The following CEP57 variants were observed in gnomAD, a reference collection of about 807,000 sequenced individuals.
The protein encoded by CEP57 is centrosomal protein of 57 kDa.
A neutral mutation model predicts 68.0 loss-of-function variants in CEP57; 40 were observed. The observed-to-expected ratio is 0.59, with a 90% CI of 0.46 to 0.77. CEP57 has a LOEUF of 0.77. Among genes scored for constraint, CEP57 ranks in the 30% least tolerant of loss-of-function variants. CEP57 has a pLI of 0.00. For missense variants in CEP57, 606 were observed against 580.7 expected (o/e 1.04, Z -0.45); for synonymous variants, 219 against 198.7 (o/e 1.10, Z -0.86).
chr11:95,821,987 A>G lies in CEP57; in HGVS notation c.807+9A>G. The G allele has an allele frequency of 6.3e-7, 1 of 1,592,918 alleles. No homozygotes were observed. The highest frequency in any genetic ancestry group is 8.6e-7 in the Non-Finnish European group (1 of 1,161,920). ...CAAAACCACCAGAAAAGGTGTGAAG[A>G]CAGAACCAAATCAGGCAAAATGCTG... On this transcript the variant is annotated intron_variant, in intron 7 of 10. Transcript: ENST00000325542.
chr11:95,799,517 G>T, intron 2 of CEP57, 129 bp downstream of exon 2: 1 of 1,100,942 alleles, frequency 9.1e-7, no homozygotes. Flanking sequence ...TCAGCCCCCA[G>T]AAAATATTAT....
chr11:95,801,835 C>T (rs903106809), intron 2 of CEP57, among the ~76,000 whole-genome samples: 10 of 151,518 alleles, frequency 6.6e-5, no homozygotes, highest in Admixed American at 4.0e-4. Flanking sequence ...AGGGAGGAGA[C>T]GGAGAGGAGA....
intron 6 of CEP57, among the ~76,000 whole-genome samples, chr11:95,821,217 G>T (rs1480251177): frequency 1.3e-5 from 2 of 151,912 alleles, no homozygotes; most frequent in Non-Finnish European, 2.9e-5. Context: ...GTTTTGTTTT[G>T]TTTTTTTAAA....
chr11:95,821,827 CT>C, intron 6 of CEP57, 43 bp from the exon 7 acceptor site: 1 of 1,350,706 alleles, frequency 7.4e-7, no homozygotes, highest in Middle Eastern at 2.5e-4. Context: ...TGAGTCATAG[CT>C]TTTATTTCTA....
chr11:95,819,739 C>T (rs61903294), intron 6 of CEP57, among the ~76,000 whole-genome samples: 9,906 of 152,190 alleles, frequency 0.065, 409 homozygotes, highest in Middle Eastern at 0.13. Flanking sequence ...GACCAAAGGC[C>T]TACAATGTCT....
intron 2 of CEP57, among the ~76,000 whole-genome samples, chr11:95,801,284 C>T (rs576965541): frequency 7.9e-5 from 12 of 152,160 alleles, no homozygotes; most frequent in African/African-American, 2.9e-4. Flanking sequence ...TCTGTAATCA[C>T]TAACCTAGAA....
In CEP57 at chr11:95,797,641, C is replaced by G. The variant is rs986010826; in HGVS notation, c.46-1591C>G. On this transcript the variant is annotated intron_variant, in intron 1 of 10. Transcript: ENST00000325542. Reference sequence around the variant, plus strand: ...GAGTTTTTGAATCTGTATCTGAAACCAAGGACAAAAGACTAAATATATTTT... The same window carrying G: ...GAGTTTTTGAATCTGTATCTGAAACGAAGGACAAAAGACTAAATATATTTT... Among the ~76,000 whole-genome samples the G allele has an allele frequency of 5.6e-4, 85 of 152,124 alleles. No homozygotes were observed. In the Middle Eastern group the frequency reaches 0.014, roughly 24 times the overall value.
chr11:95,791,116 A>C (rs981763379), intron 1 of CEP57, among the ~76,000 whole-genome samples: 2 of 152,170 alleles, frequency 1.3e-5, no homozygotes, highest in Non-Finnish European at 2.9e-5. Flanking sequence ...TCGCCAGATC[A>C]GGTGAGGCGC....
rs754801426 is a variant in CEP57, at chr11:95,828,041, T to G, written c.1127+14T>G. ...GCAAATGAGCTTGTGAGTTTTTGTT[T>G]TTTTTTTTAAATTCAGTTTAGCTCT... On this transcript the variant is annotated intron_variant, in intron 9 of 10. Transcript: ENST00000325542. 1 of 1,609,024 alleles carries G rather than the reference T, an allele frequency of 6.2e-7. No homozygotes were observed. Among genetic ancestry groups the G allele is most frequent in the Non-Finnish European group, 8.5e-7 (1 of 1,177,400 alleles).
chr11:95,803,877 T>C (rs1861683824), intron 2 of CEP57, among the ~76,000 whole-genome samples: 1 of 152,114 alleles, frequency 6.6e-6, no homozygotes, highest in Admixed American at 6.5e-5. Flanking sequence ...CGTGTGTCCC[T>C]TGTGGATCAG....
chr11:95,805,368 G>T (rs2135284600), intron 2 of CEP57, among the ~76,000 whole-genome samples: 1 of 152,144 alleles, frequency 6.6e-6, no homozygotes, highest in African/African-American at 2.4e-5. Flanking sequence ...TGATTTTTCA[G>T]GTTTCTTCCT....
At chr11:95,815,895 G>A (rs964537856) in intron 4 of CEP57, among the ~76,000 whole-genome samples, 1 of 152,090 alleles carries the variant, frequency 6.6e-6, no homozygotes, top group Non-Finnish European at 1.5e-5. Context: ...TTATATTCCT[G>A]CACATTTTAT....
intron 2 of CEP57, among the ~76,000 whole-genome samples, chr11:95,805,548 A>G (rs573227484): frequency 6.6e-6 from 1 of 152,338 alleles, no homozygotes; most frequent in East Asian, 1.9e-4. Context: ...TAATAAATGG[A>G]CAAGAATACT....
intron 2 of CEP57, among the ~76,000 whole-genome samples, chr11:95,809,248 C>T (rs999589968): frequency 4.6e-5 from 7 of 152,088 alleles, no homozygotes; most frequent in Admixed American, 4.6e-4. Context: ...CAAGAGAAAG[C>T]AGGAAAGATC....
intron 9 of CEP57, 85 bp from the exon 10 acceptor site, chr11:95,829,102 G>C: frequency 7.1e-7 from 1 of 1,405,666 alleles, no homozygotes. Context: ...TAAACACATG[G>C]AGCAGTAACC....
chr11:95,811,351 G>A (rs1862051507), intron 2 of CEP57, among the ~76,000 whole-genome samples: 1 of 146,168 alleles, frequency 6.8e-6, no homozygotes, highest in South Asian at 2.2e-4. Context: ...GACACCACAT[G>A]TTCTCACTCA....
At chr11:95,797,673 T>C (rs935433552) in intron 1 of CEP57, among the ~76,000 whole-genome samples, 1 of 152,182 alleles carries the variant, frequency 6.6e-6, no homozygotes, top group Non-Finnish European at 1.5e-5. Context: ...TTTTTTATTA[T>C]ACCACAGGGC....
chr11:95,824,342 T>C (rs1295411303), intron 8 of CEP57, among the ~76,000 whole-genome samples: 4 of 152,214 alleles, frequency 2.6e-5, no homozygotes, highest in Non-Finnish European at 4.4e-5. Context: ...AATAGCTTTT[T>C]ATCTCATTGA....
chr11:95,822,999 C>A (rs2135356226), intron 8 of CEP57: 1 of 231,406 alleles, frequency 4.3e-6, no homozygotes, highest in South Asian at 6.4e-5. Flanking sequence ...AGGACTAATT[C>A]TCCAAGAAGC....
Sources: gnomAD v4.1 joint callset for allele counts (sites outside exome capture counted in the v4.1 genomes callset) on GRCh38, gnomAD v4.1.1 for gene constraint, MANE v1.5 for transcripts, NCBI Gene and HGNC (gene_info 2026-07-23, HGNC 2026-07-21) for gene names.